The following IQGAP3 variants were observed in gnomAD, a reference collection of about 807,000 sequenced individuals.
IQGAP3 encodes ras GTPase-activating-like protein IQGAP3.
Under a neutral mutation model 208.2 loss-of-function variants are expected in IQGAP3, and 165 were observed. The observed-to-expected ratio is 0.79, with a 90% CI of 0.70 to 0.90. The LOEUF (loss-of-function observed/expected upper bound fraction) is 0.90, where lower values mean the gene tolerates loss of function less well. IQGAP3 is among the 40% of genes least tolerant of loss of function. The pLI, the probability that IQGAP3 is intolerant of heterozygous loss-of-function variation, is 0.00. For synonymous variants in IQGAP3, 703 were observed against 803.6 expected, an observed-to-expected ratio of 0.87 and a Z score of 2.12; for missense variants, 1,811 against 2,043.1, an observed-to-expected ratio of 0.89 and a Z score of 2.19.
In IQGAP3 at chr1:156,548,154, G is replaced by C; in HGVS notation, c.2223C>G (p.Leu741=). Residue 741 remains leucine (L), a synonymous_variant, in exon 19 of 38, where the codon CTC becomes CTG. Transcript: ENST00000361170. Reference sequence around the variant, plus strand: ...ACTTCTGCCGAACTAGGAAGCCACGGAGGCGGGCCTGGAGCTGGATAACAA... The same window carrying C: ...ACTTCTGCCGAACTAGGAAGCCACGCAGGCGGGCCTGGAGCTGGATAACAA... ...VGFVIQLQAR[L]RGFLVRQKFA... 6.2e-7 allele frequency: 1 copy of C among 1,614,122 alleles called. No homozygotes were observed. Among genetic ancestry groups the C allele is most frequent in the African/African-American group, 1.3e-5 (1 of 75,060 alleles).
intron 4 of IQGAP3, among the ~76,000 whole-genome samples, chr1:156,565,513 G>A (rs6665746): frequency 0.96 from 146,485 of 152,298 alleles, 70,712 homozygotes; most frequent in East Asian, 1. Flanking sequence ...GCTCTTCACA[G>A]TTCACAAAGG....
chr1:156,566,559 G>A lies in IQGAP3; in HGVS notation c.126-13C>T. ...GGCCTCCATCCAGCTATGAACATGA[G>A]AACACCTTCTCACGCACTCTGGCAG... On this transcript the variant is annotated splice_polypyrimidine_tract_variant and intron_variant, in intron 2 of 37. Transcript: ENST00000361170. 6.2e-7 allele frequency: 1 copy of A among 1,613,486 alleles called. No individual in the cohort carries two copies. The highest frequency in any genetic ancestry group is 8.5e-7 in the Non-Finnish European group (1 of 1,179,642).
intron 12 of IQGAP3, 36 bp downstream of exon 12, chr1:156,556,497 A>C (rs1216591213): frequency 2.1e-5 from 34 of 1,610,596 alleles, no homozygotes; most frequent in Non-Finnish European, 2.8e-5. Context: ...AGCTGCATGG[A>C]GACTGCAGAG....
intron 26 of IQGAP3, 41 bp from the exon 27 acceptor site, chr1:156,537,362 C>T: frequency 6.4e-7 from 1 of 1,562,242 alleles, no homozygotes; most frequent in Non-Finnish European, 8.7e-7. Flanking sequence ...GGAGCCCCCT[C>T]CAATGGCCTC....
Position 156,539,826 on chromosome 1 carries a change from T to C in IQGAP3, c.2892+12A>G. On this transcript the variant is annotated intron_variant, in intron 24 of 37. Coordinates refer to ENST00000361170, the MANE Select transcript of IQGAP3 (RefSeq NM_178229.5). ...ACGGGAGAGACTTCTCCTTGGAAAG[T>C]CCTCTGCTAACCTGGAGCAGGTAGA... The C allele has an allele frequency of 6.2e-7, 1 of 1,614,044 alleles. No homozygotes were observed. Among genetic ancestry groups the C allele is most frequent in the Non-Finnish European group, 8.5e-7 (1 of 1,179,882 alleles).
chr1:156,547,451 G>T (rs915271914), intron 19 of IQGAP3, among the ~76,000 whole-genome samples: 2 of 147,568 alleles, frequency 1.4e-5, no homozygotes, highest in African/African-American at 5.0e-5. Flanking sequence ...TTAGAGACAG[G>T]GTCTCGCTCT....
At chr1:156,538,263 T>C (rs1173643540) in intron 26 of IQGAP3, among the ~76,000 whole-genome samples, 1 of 152,150 alleles carries the variant, frequency 6.6e-6, no homozygotes, top group Non-Finnish European at 1.5e-5. Context: ...GGTTTCACCA[T>C]GTTAGCCAGG....
At position 156,528,962 on chromosome 1, in the gene IQGAP3, T is replaced by C. The variant is rs918573301; in HGVS notation, c.4525A>G (p.Ser1509Gly). The C allele has an allele frequency of 1.2e-6, 2 of 1,614,076 alleles. No homozygotes were observed. The highest frequency in any genetic ancestry group is 1.7e-6 in the Non-Finnish European group (2 of 1,180,050). ...TFYEEQGDYY[S>G]QYIRACLDHL... ...TCCAGGCAGGCCCGGATGTACTGGC[T>C]GTAGTAGTCACCCTGCTCCTCATAG... Residue 1509 changes from serine to glycine, a missense_variant, in exon 35 of 38, where the codon AGC becomes GGC. By Grantham distance (56) the Ser-to-Gly change is moderately conservative. Transcript: ENST00000361170.
At chr1:156,562,702 C>G (rs1392639946) in intron 8 of IQGAP3, 37 bp from the exon 9 acceptor site, 2 of 1,522,338 alleles carry the variant, frequency 1.3e-6, no homozygotes, top group African/African-American at 1.4e-5. Context: ...CTGGGAAACC[C>G]AATTTAATCT....
intron 8 of IQGAP3, 119 bp downstream of exon 8, chr1:156,563,015 T>C: frequency 1.2e-6 from 1 of 815,214 alleles, no homozygotes; most frequent in Non-Finnish European, 2.0e-6. Context: ...TGATAAATTA[T>C]GGTTTCTCTA....
At position 156,572,557 on chromosome 1, in the gene IQGAP3, C is replaced by G; in HGVS notation, c.-28G>C. The G allele has an allele frequency of 1.2e-6, 2 of 1,612,834 alleles. No individual in the cohort carries two copies. The highest frequency in any genetic ancestry group is 1.7e-6 in the Non-Finnish European group (2 of 1,179,782). Reference sequence around the variant, plus strand: ...TCCTCCTTCTTCCAGGTTTGAATCTCCCGCCGTTGGGCCACCGCCCCTCAC... The same window carrying G: ...TCCTCCTTCTTCCAGGTTTGAATCTGCCGCCGTTGGGCCACCGCCCCTCAC... On this transcript the variant is annotated 5_prime_UTR_variant, in exon 1 of 38. Transcript: ENST00000361170.
rs753696712 is a variant in IQGAP3 at position 156,544,077 on chromosome 1, G to A, written c.2461-27C>T. 7 of 1,613,768 alleles carry A rather than the reference G, an allele frequency of 4.3e-6. No individual in the cohort carries two copies. The African/African-American group carries it at 9.3e-5, about 22-fold the overall frequency. On this transcript the variant is annotated intron_variant, in intron 21 of 37. Transcript: ENST00000361170. ...TGCCACAAACACAGATTGGAAAAGG[G>A]TTGCTGGCTGTCCTTGCTCTAGTCT...
intron 22 of IQGAP3, among the ~76,000 whole-genome samples, chr1:156,542,777 C>T (rs1021737245): frequency 2.0e-5 from 3 of 151,864 alleles, no homozygotes; most frequent in African/African-American, 7.3e-5. Flanking sequence ...CCCATCTCTA[C>T]AAAAAATCAA....
In IQGAP3 at chr1:156,563,313, C is replaced by A. The variant is rs1211636916; in HGVS notation, c.620-1G>T. 5 of 1,589,274 alleles carry A rather than the reference C, an allele frequency of 3.1e-6. No individual in the cohort carries two copies. The Admixed American group carries it at 5.2e-5, about 16-fold the overall frequency. ...TTGATGGCAAGAACAGCTGCATGGA[C>A]TGGGAGAGGGCATGGAAACAAGGTC... On this transcript the variant is annotated splice_acceptor_variant, in intron 7 of 37. Coordinates refer to ENST00000361170, the MANE Select transcript of IQGAP3 (RefSeq NM_178229.5). LOFTEE classifies it high-confidence loss of function.
chr1:156,564,467 A>C, intron 5 of IQGAP3, 148 bp downstream of exon 5: 1 of 683,458 alleles, frequency 1.5e-6, no homozygotes, highest in Non-Finnish European at 2.7e-6. Context: ...AAATCTAAAC[A>C]CAACTCTGTA....
At chr1:156,541,529 A>G (rs1674982682) in intron 22 of IQGAP3, among the ~76,000 whole-genome samples, 1 of 152,180 alleles carries the variant, frequency 6.6e-6, no homozygotes, top group East Asian at 1.9e-4. Context: ...AATAACAACA[A>G]AACAACTAAT....
chr1:156,538,988 T>TGTTGG lies in IQGAP3; in HGVS notation c.3097_3101dup (p.Val1035GlnfsTer4), dbSNP rs1282006493. ...AGAATCTCACCACCAGCCTCACCAC[T>TGTTGG]GTTGGGTTGCCTGTCACCACGTCCT... On this transcript the variant is annotated frameshift_variant, in exon 26 of 38. Coordinates refer to ENST00000361170, the MANE Select transcript of IQGAP3 (RefSeq NM_178229.5). LOFTEE classifies it high-confidence loss of function. 5 of 1,614,036 alleles carry TGTTGG rather than the reference T, an allele frequency of 3.1e-6. No individual in the cohort carries two copies. The highest frequency in any genetic ancestry group is 4.2e-6 in the Non-Finnish European group (5 of 1,180,012).
chr1:156,566,026 C>G lies in IQGAP3; in HGVS notation c.360+1G>C, dbSNP rs1444727495. 2 of 1,611,258 alleles carry G rather than the reference C, an allele frequency of 1.2e-6. No homozygotes were observed. The highest frequency in any genetic ancestry group is 2.2e-5 in the South Asian group (2 of 91,024). ...ATACCAATCTTCAGGCCCAGTATTA[C>G]CGAAGGCAGACCGATGTGGGCTATT... On this transcript the variant is annotated splice_donor_variant, in intron 4 of 37. Coordinates refer to ENST00000361170, the MANE Select transcript of IQGAP3 (RefSeq NM_178229.5). LOFTEE classifies it high-confidence loss of function.
In IQGAP3 at chr1:156,547,374, GACACAGACACACAGACAC is replaced by G. The variant is rs1675296963; in HGVS notation, c.2304+681_2304+698del. ...GTCTTACTAAACACACAGACACACA[GACACAGACACACAGACAC>G]ACACACACACACACACACACACACA... On this transcript the variant is annotated intron_variant, in intron 19 of 37. Coordinates refer to ENST00000361170, the MANE Select transcript of IQGAP3 (RefSeq NM_178229.5). 7.2e-5 allele frequency among the ~76,000 whole-genome samples: 8 copies of G among 110,698 alleles called. No homozygotes were observed. The South Asian group carries it at 8.9e-4, about 12-fold the overall frequency. The allele number at this position is 110,698 out of a possible 152,430, so 72.6% of individuals were successfully genotyped here. A position where few individuals can be genotyped will look rare whatever the true frequency, so the allele number is the denominator to read the frequency against.
Sources: allele counts gnomAD v4.1 joint callset (sites outside exome capture counted in the v4.1 genomes callset), GRCh38; gene constraint gnomAD v4.1.1; transcripts MANE v1.5; gene names NCBI Gene and HGNC (gene_info 2026-07-23, HGNC 2026-07-21).